Variants in PSMB2 observed in about 807,000 individuals in gnomAD.
The protein encoded by PSMB2 is proteasome 20S subunit beta 2, also known as proteasome subunit beta type-2.
A neutral mutation model predicts 25.7 loss-of-function variants in PSMB2; 13 were observed. The ratio of observed to expected loss-of-function variants is 0.51; its 90% CI spans 0.33 to 0.80. The LOEUF is 0.80. PSMB2 is among the 30% of genes least tolerant of loss of function. The pLI, the probability that PSMB2 is intolerant of heterozygous loss-of-function variation, is 0.02. For missense variants in PSMB2, 202 were observed against 259.0 expected, an observed-to-expected ratio of 0.78 and a Z score of 1.51; for synonymous variants, 87 against 96.2, an observed-to-expected ratio of 0.90 and a Z score of 0.56.
intron 3 of PSMB2, among the ~76,000 whole-genome samples, chr1:35,624,373 G>A (rs1353422953): frequency 6.6e-6 from 1 of 152,104 alleles, no homozygotes; most frequent in Non-Finnish European, 1.5e-5. Context: ...AACAGTGATG[G>A]CACCTTTTCA....
At position 35,601,390 on chromosome 1, in the gene PSMB2, A is replaced by T. The variant is rs1649996165; in HGVS notation, c.*1877T>A. ...CACCCGGCCAACCTGTGGCACTTTTAAAATAGATGCCTTACACTCAGGAAT... is the reference window on the plus strand; with the variant it reads ...CACCCGGCCAACCTGTGGCACTTTTTAAATAGATGCCTTACACTCAGGAAT... On this transcript the variant is annotated 3_prime_UTR_variant, in exon 6 of 6. Coordinates refer to ENST00000373237, the MANE Select transcript of PSMB2 (RefSeq NM_002794.5). The T allele has an allele frequency of 1.0e-6, 1 of 985,086 alleles. No homozygotes were observed. The allele number at this position is 985,086 out of a possible 1,614,324, so 61.0% of individuals were successfully genotyped here.
intron 3 of PSMB2, among the ~76,000 whole-genome samples, chr1:35,620,234 T>G (rs1001694465): frequency 2.0e-5 from 3 of 152,180 alleles, no homozygotes; most frequent in African/African-American, 7.2e-5. Context: ...TTTTCAGATA[T>G]CCATAGAGTA....
rs1649951157 is a variant in PSMB2, at chr1:35,600,251, A to T, written c.*3016T>A. 2 of 985,308 alleles carry T rather than the reference A, an allele frequency of 2.0e-6. No individual in the cohort carries two copies. Among genetic ancestry groups the T allele is most frequent in the African/African-American group, 3.5e-5 (2 of 57,376 alleles). The allele number at this position is 985,308 out of a possible 1,614,324, so 61.0% of individuals were successfully genotyped here. On this transcript the variant is annotated 3_prime_UTR_variant, in exon 6 of 6. Coordinates refer to ENST00000373237, the MANE Select transcript of PSMB2 (RefSeq NM_002794.5). Reference sequence around the variant, plus strand: ...GGAGATAAAGAATGGCATAAAAATGATGCCCAGCTAAATGCAATGTTGTAT... The same window carrying T: ...GGAGATAAAGAATGGCATAAAAATGTTGCCCAGCTAAATGCAATGTTGTAT...
At chr1:35,615,398 T>C (rs1040538837) in intron 3 of PSMB2, among the ~76,000 whole-genome samples, 2 of 152,260 alleles carry the variant, frequency 1.3e-5, no homozygotes, top group African/African-American at 4.8e-5. Flanking sequence ...AGGCAAACTT[T>C]ACTTAAGTTA....
chr1:35,605,215 C>T lies in PSMB2; in HGVS notation c.498+18G>A. 1 of 1,598,492 alleles carries T rather than the reference C, an allele frequency of 6.3e-7. No individual in the cohort carries two copies. The highest frequency in any genetic ancestry group is 8.5e-7 in the Non-Finnish European group (1 of 1,170,988). On this transcript the variant is annotated intron_variant, in intron 5 of 5. Coordinates refer to ENST00000373237, the MANE Select transcript of PSMB2 (RefSeq NM_002794.5). ...GAGAGACAAACATTCCTTTCAGGATCCTATGGGAACTACTCACCTCCTCCA... is the reference window on the plus strand; with the variant it reads ...GAGAGACAAACATTCCTTTCAGGATTCTATGGGAACTACTCACCTCCTCCA...
In PSMB2 at chr1:35,603,263, G is replaced by A; in HGVS notation, c.*4C>T. On this transcript the variant is annotated 3_prime_UTR_variant, in exon 6 of 6. Transcript: ENST00000373237. The stretch of plus-strand genomic sequence containing the variant: ...CCCTGGCAAGTGGGAGGGAGGACAT[G>A]ATGTTAGGAGCCCTGTTTGGGGAAG... The A allele has an allele frequency of 6.2e-7, 1 of 1,613,850 alleles. No individual in the cohort carries two copies. Among genetic ancestry groups the A allele is most frequent in the Non-Finnish European group, 8.5e-7 (1 of 1,179,926 alleles).
Position 35,601,737 on chromosome 1 carries a change from C to A in PSMB2, c.*1530G>T. The A allele has an allele frequency of 1.0e-6, 1 of 985,300 alleles. No homozygotes were observed. Among genetic ancestry groups the A allele is most frequent in the Non-Finnish European group, 1.2e-6 (1 of 829,898 alleles). The allele number at this position is 985,300 out of a possible 1,614,324, so 61.0% of individuals were successfully genotyped here. On this transcript the variant is annotated 3_prime_UTR_variant, in exon 6 of 6. Transcript: ENST00000373237. ...AGTAGGGTTTATCTTAGTCGGAGAC[C>A]AAATGGTTTTGATATGTGGTTCCTA...
intron 1 of PSMB2, among the ~76,000 whole-genome samples, chr1:35,640,092 A>ATACTGTACTGTACTG: frequency 2.6e-5 from 4 of 151,958 alleles, no homozygotes; most frequent in African/African-American, 9.7e-5. Flanking sequence ...ATACTATACT[A>ATACTGTACTGTACTG]TACTATACTA....
At chr1:35,640,140 T>A (rs1415234639) in intron 1 of PSMB2, among the ~76,000 whole-genome samples, 2 of 151,866 alleles carry the variant, frequency 1.3e-5, no homozygotes, top group African/African-American at 4.8e-5. Context: ...TTTAAGAAGA[T>A]TTTGGTTGTT....
chr1:35,604,911 A>T (rs1451432852), intron 5 of PSMB2, among the ~76,000 whole-genome samples: 1 of 152,194 alleles, frequency 6.6e-6, no homozygotes, highest in African/African-American at 2.4e-5. Flanking sequence ...TGGACTCAGA[A>T]TTGAGGGTTG....
In PSMB2 at chr1:35,603,021, A is replaced by G. The variant is rs533301418; in HGVS notation, c.*246T>C. On this transcript the variant is annotated 3_prime_UTR_variant, in exon 6 of 6. Coordinates refer to ENST00000373237, the MANE Select transcript of PSMB2 (RefSeq NM_002794.5). ...GTGGGGCCGTCAGCTGCTAAAGGGT[A>G]CTGAGCGTTAATGGAGGGCGGAGCA... is the stretch of plus-strand genomic sequence containing the variant. 8 of 1,243,046 alleles carry G rather than the reference A, an allele frequency of 6.4e-6. No homozygotes were observed. In the Admixed American group the frequency reaches 1.6e-4, roughly 25 times the overall value. The allele number at this position is 1,243,046 out of a possible 1,614,324, so 77.0% of individuals were successfully genotyped here. A position where few individuals can be genotyped will look rare whatever the true frequency, so the allele number is the denominator to read the frequency against.
chr1:35,613,318 G>C (rs1557449688), intron 3 of PSMB2, among the ~76,000 whole-genome samples: 1 of 151,922 alleles, frequency 6.6e-6, no homozygotes, highest in Non-Finnish European at 1.5e-5. Flanking sequence ...TGAGAGGACT[G>C]CTTGAGCCTA....
chr1:35,613,901 A>G (rs78617071), intron 3 of PSMB2, among the ~76,000 whole-genome samples: 3,086 of 152,358 alleles, frequency 0.02, 91 homozygotes, highest in East Asian at 0.061. Context: ...CATGTGGATA[A>G]TAAGTGTAAT....
Position 35,599,582 on chromosome 1 carries a change from A to G in PSMB2, c.*3685T>C. ...GCTTTATGAGGTGTAAAGGAGGGAA[A>G]GGAAGTGGGGAGTTAGGTTCGGAGA... On this transcript the variant is annotated 3_prime_UTR_variant, in exon 6 of 6. Coordinates refer to ENST00000373237, the MANE Select transcript of PSMB2 (RefSeq NM_002794.5). 1 of 985,124 alleles carries G rather than the reference A, an allele frequency of 1.0e-6. No individual in the cohort carries two copies. Among genetic ancestry groups the G allele is most frequent in the East Asian group, 1.1e-4 (1 of 8,816 alleles). The allele number at this position is 985,124 out of a possible 1,614,324, so 61.0% of individuals were successfully genotyped here.
chr1:35,625,939 C>A (rs1466414320), intron 3 of PSMB2, among the ~76,000 whole-genome samples: 2 of 151,838 alleles, frequency 1.3e-5, no homozygotes, highest in Non-Finnish European at 2.9e-5. Flanking sequence ...TGGGTTCAAG[C>A]TATTCTCCTG....
intron 3 of PSMB2, among the ~76,000 whole-genome samples, chr1:35,623,495 A>G (rs1650755695): frequency 6.6e-6 from 1 of 152,190 alleles, no homozygotes; most frequent in Admixed American, 6.5e-5. Flanking sequence ...CGCATCACCA[A>G]AAGTAAGCTG....
chr1:35,599,724 TA>T lies in PSMB2; in HGVS notation c.*3542del. On this transcript the variant is annotated 3_prime_UTR_variant, in exon 6 of 6. Coordinates refer to ENST00000373237, the MANE Select transcript of PSMB2 (RefSeq NM_002794.5). The stretch of plus-strand genomic sequence containing the variant: ...GGAATGGATGGTGAAACTAGTTTTT[TA>T]AAATATGGAGAAAGACCTGGAGAGG... 1.0e-6 allele frequency: 1 copy of T among 985,032 alleles called. No individual in the cohort carries two copies. Among genetic ancestry groups the T allele is most frequent in the Non-Finnish European group, 1.2e-6 (1 of 829,586 alleles). The allele number at this position is 985,032 out of a possible 1,614,324, so 61.0% of individuals were successfully genotyped here.
chr1:35,628,594 AAAATATAT>A (rs1285314528), intron 3 of PSMB2, among the ~76,000 whole-genome samples: 17 of 12,500 alleles, frequency 1.4e-3, no homozygotes, highest in African/African-American at 4.1e-3. Context: ...AAAAAAAAAA[AAAATATAT>A]ATATATATAT....
intron 4 of PSMB2, among the ~76,000 whole-genome samples, chr1:35,606,108 C>T (rs112423944): frequency 6.6e-6 from 1 of 152,116 alleles, no homozygotes; most frequent in African/African-American, 2.4e-5. Flanking sequence ...TTCCAAAGTA[C>T]CCACTGCCCA....
Sources: gnomAD v4.1 joint callset for allele counts (sites outside exome capture counted in the v4.1 genomes callset) on GRCh38, gnomAD v4.1.1 for gene constraint, MANE v1.5 for transcripts, NCBI Gene and HGNC (gene_info 2026-07-23, HGNC 2026-07-21) for gene names.